TPD52: variants seen among roughly 807,000 people sequenced by gnomAD.
TPD52 encodes tumor protein D52.
TPD52 carries 17 observed loss-of-function variants against 31.3 expected under a neutral mutation model. The ratio of observed to expected loss-of-function variants is 0.54; its 90% confidence interval spans 0.37 to 0.82. The LOEUF (loss-of-function observed/expected upper bound fraction) is 0.82. Ranked by LOEUF, TPD52 falls within the 40% of genes least tolerant of loss-of-function variation. TPD52 has a pLI of 0.00. For synonymous variants in TPD52, 83 were observed against 89.6 expected (o/e 0.93, Z 0.42); for missense variants, 212 against 240.1 (o/e 0.88, Z 0.77).
At chr8:80,166,641 C>T (rs201821735) in intron 1 of TPD52, among the ~76,000 whole-genome samples, 2 of 151,924 alleles carry the variant, frequency 1.3e-5, no homozygotes, top group Admixed American at 6.6e-5. Context: ...CAGTGGCTCA[C>T]GCCTGTAATC....
At chr8:80,044,084 A>G in intron 6 of TPD52, 83 bp downstream of exon 6, 1 of 1,194,092 alleles carries the variant, frequency 8.4e-7, no homozygotes, top group South Asian at 1.4e-5. Flanking sequence ...CTAGTTCCCT[A>G]ATTCAGAACA....
At chr8:80,149,231 T>C (rs1299572198) in intron 1 of TPD52, among the ~76,000 whole-genome samples, 1 of 152,156 alleles carries the variant, frequency 6.6e-6, no homozygotes, top group East Asian at 1.9e-4. Flanking sequence ...TCCAATGCTG[T>C]TCTTGTGATA....
intron 1 of TPD52, among the ~76,000 whole-genome samples, chr8:80,149,947 G>A (rs549329340): frequency 1.3e-5 from 2 of 152,360 alleles, no homozygotes; most frequent in South Asian, 4.1e-4. Flanking sequence ...AAGTAATGAG[G>A]AGACAAACGT....
At chr8:80,137,482 T>A (rs1809516352) in intron 1 of TPD52, among the ~76,000 whole-genome samples, 1 of 152,164 alleles carries the variant, frequency 6.6e-6, no homozygotes, top group Non-Finnish European at 1.5e-5. Flanking sequence ...ATAATGTGTA[T>A]GACATGTTCC....
At chr8:80,049,046 A>G (rs1290646107) in intron 5 of TPD52, among the ~76,000 whole-genome samples, 1 of 152,170 alleles carries the variant, frequency 6.6e-6, no homozygotes, top group Non-Finnish European at 1.5e-5. Context: ...TAAGGTATAG[A>G]AAGGTATTCT....
chr8:80,058,497 T>C (rs1045310268), intron 2 of TPD52, among the ~76,000 whole-genome samples: 5 of 152,202 alleles, frequency 3.3e-5, no homozygotes, highest in Non-Finnish European at 5.9e-5. Flanking sequence ...TAATGCCCTC[T>C]ACAAATATAA....
At chr8:80,087,738 C>G (rs1008184723) in intron 1 of TPD52, among the ~76,000 whole-genome samples, 2 of 152,172 alleles carry the variant, frequency 1.3e-5, no homozygotes, top group African/African-American at 4.8e-5. Flanking sequence ...GTCTCCCCAT[C>G]ATATCCCATG....
intron 6 of TPD52, among the ~76,000 whole-genome samples, 180 bp downstream of exon 6, chr8:80,043,987 G>A (rs567721934): frequency 9.9e-5 from 15 of 152,226 alleles, no homozygotes; most frequent in Admixed American, 5.9e-4. Flanking sequence ...AACATTTAAC[G>A]GATCTCTTGC....
chr8:80,062,725 G>A (rs1356467584), intron 2 of TPD52, among the ~76,000 whole-genome samples: 1 of 152,158 alleles, frequency 6.6e-6, no homozygotes, highest in Non-Finnish European at 1.5e-5. Context: ...CACTTTGGGA[G>A]GCTGAGGTGG....
intron 1 of TPD52, among the ~76,000 whole-genome samples, chr8:80,118,884 A>C (rs1808052624): frequency 6.6e-6 from 1 of 152,234 alleles, no homozygotes; most frequent in South Asian, 2.1e-4. Flanking sequence ...TTAAATATAG[A>C]AATTACTGTA....
At chr8:80,051,160 C>T (rs1043711150) in intron 4 of TPD52, 10 of 244,238 alleles carry the variant, frequency 4.1e-5, no homozygotes, top group African/African-American at 1.8e-4. Flanking sequence ...AAATCTGAAT[C>T]GAAGCGTGCA....
intron 1 of TPD52, among the ~76,000 whole-genome samples, chr8:80,133,218 T>C (rs1809150307): frequency 6.6e-6 from 1 of 152,194 alleles, no homozygotes; most frequent in Non-Finnish European, 1.5e-5. Context: ...TCTAATAATG[T>C]GTGTTCCCTT....
chr8:80,158,548 G>GT (rs1811120883), intron 1 of TPD52: 1 of 152,116 alleles, frequency 6.6e-6, no homozygotes, highest in Non-Finnish European at 1.5e-5. Flanking sequence ...TTGTATGTTT[G>GT]TTTCTTCAGA....
At chr8:80,070,584 G>C (rs1325403147) in intron 1 of TPD52, among the ~76,000 whole-genome samples, 1 of 152,168 alleles carries the variant, frequency 6.6e-6, no homozygotes, top group Non-Finnish European at 1.5e-5. Context: ...TGCCACCACT[G>C]ATCTGACAGG....
intron 1 of TPD52, among the ~76,000 whole-genome samples, chr8:80,084,074 C>A (rs911068408): frequency 6.6e-6 from 1 of 152,220 alleles, no homozygotes; most frequent in Non-Finnish European, 1.5e-5. Flanking sequence ...CCACACCCTA[C>A]TTGAGACCCA....
At chr8:80,104,783 G>A (rs1475054162) in intron 1 of TPD52, among the ~76,000 whole-genome samples, 2 of 151,670 alleles carry the variant, frequency 1.3e-5, no homozygotes, top group African/African-American at 4.8e-5. Flanking sequence ...TTTTAGGCTG[G>A]GCGTGCTGAC....
chr8:80,131,139 G>A (rs1053250457), intron 1 of TPD52, among the ~76,000 whole-genome samples: 7 of 152,028 alleles, frequency 4.6e-5, no homozygotes, highest in Admixed American at 2.6e-4. Context: ...AGCCAGTGTG[G>A]TCAGAATAGA....
Position 80,093,134 on chromosome 8 carries a change from C to A in TPD52, c.20-28541G>T, listed in dbSNP as rs75094689. Among the ~76,000 whole-genome samples, 65 of 152,158 alleles carry A rather than the reference C, an allele frequency of 4.3e-4. 1 individual carries two copies. The Middle Eastern group carries it at 0.024, about 56-fold the overall frequency. On this transcript the variant is annotated intron_variant, in intron 1 of 7. Coordinates refer to ENST00000518937, the MANE Select transcript of TPD52 (RefSeq NM_001025253.3). ...CGGCTGTGTCACAACAGGGTGTGCA[C>A]ATGCTTGGTCTTTTCAACGGGATAA...
chr8:80,077,527 T>C (rs1296044062), intron 1 of TPD52, among the ~76,000 whole-genome samples: 1 of 152,206 alleles, frequency 6.6e-6, no homozygotes, highest in Non-Finnish European at 1.5e-5. Flanking sequence ...CTTGAATAGT[T>C]AATCTGTTCT....
Sources: allele counts gnomAD v4.1 joint callset (sites outside exome capture counted in the v4.1 genomes callset), GRCh38; gene constraint gnomAD v4.1.1; transcripts MANE v1.5; gene names NCBI Gene and HGNC (gene_info 2026-07-23, HGNC 2026-07-21).